ST6GALNAC3: variants seen among roughly 807,000 people sequenced by gnomAD.
The protein encoded by ST6GALNAC3 is alpha-N-acetylgalactosaminide alpha-2,6-sialyltransferase 3.
In ST6GALNAC3, 25 loss-of-function variants were observed where a neutral mutation model predicts 32.7. The ratio of observed to expected loss-of-function variants is 0.76; its 90% CI spans 0.56 to 1.07. The LOEUF (loss-of-function observed/expected upper bound fraction) is 1.07. Among genes scored for constraint, ST6GALNAC3 ranks in the 50% least tolerant of loss-of-function variants. The pLI, the probability that ST6GALNAC3 is intolerant of heterozygous loss-of-function variation, is 0.00. For missense variants in ST6GALNAC3, 355 were observed against 382.4 expected (o/e 0.93, Z 0.60); for synonymous variants, 129 against 133.1 (o/e 0.97, Z 0.21).
chr1:76,256,444 T>C (rs539699404), intron 1 of ST6GALNAC3, among the ~76,000 whole-genome samples: 1 of 152,290 alleles, frequency 6.6e-6, no homozygotes, highest in Admixed American at 6.5e-5. Flanking sequence ...GAAAGTGAGT[T>C]CCTGAACAAG....
rs554990566 is a variant in ST6GALNAC3 at position 76,629,913 on chromosome 1, C to T, written c.*1107C>T. On this transcript the variant is annotated 3_prime_UTR_variant, in exon 5 of 5. Coordinates refer to ENST00000328299, the MANE Select transcript of ST6GALNAC3 (RefSeq NM_152996.4). ...GAGGAAATGATTCCTTATATTAAAC[C>T]TGACCAGAGCTTTTTGCCTTCTAGG... The T allele has an allele frequency of 4.1e-6, 4 of 985,098 alleles. No homozygotes were observed. The South Asian group carries it at 1.9e-4, about 46-fold the overall frequency. 61.0% of individuals were successfully genotyped at this position (985,098 alleles called of 1,614,324 possible).
At chr1:76,181,700 T>G (rs1653191637) in intron 1 of ST6GALNAC3, among the ~76,000 whole-genome samples, 1 of 152,234 alleles carries the variant, frequency 6.6e-6, no homozygotes, top group Non-Finnish European at 1.5e-5. Context: ...GCAAGTAGTT[T>G]GCTTATTAAC....
chr1:76,295,950 A>G (rs1660379675), intron 1 of ST6GALNAC3, among the ~76,000 whole-genome samples: 1 of 152,040 alleles, frequency 6.6e-6, no homozygotes, highest in South Asian at 2.1e-4. Context: ...AAACAGATGG[A>G]GGGTCGGAGT....
Position 76,248,759 on chromosome 1 carries a change from C to T in ST6GALNAC3, c.19-65046C>T, listed in dbSNP as rs549048690. Among the ~76,000 whole-genome samples, 53 of 151,990 alleles carry T rather than the reference C, an allele frequency of 3.5e-4. 1 individual carries two copies. Among genetic ancestry groups the T allele is most frequent in the African/African-American group, 1.3e-3 (53 of 41,460 alleles). On this transcript the variant is annotated intron_variant, in intron 1 of 4. Coordinates refer to ENST00000328299, the MANE Select transcript of ST6GALNAC3 (RefSeq NM_152996.4). ...CTCTTCTACCCTTTTCCTTCTTTCC[C>T]TTTTTCTTTCTCTCCCATTTCCTCC...
At chr1:76,516,854 A>G (rs1239851363) in intron 3 of ST6GALNAC3, among the ~76,000 whole-genome samples, 2 of 151,964 alleles carry the variant, frequency 1.3e-5, no homozygotes, top group Non-Finnish European at 2.9e-5. Context: ...TGAATATTAA[A>G]CCTTTGTATA....
At chr1:76,107,450 T>C (rs1174060634) in intron 1 of ST6GALNAC3, among the ~76,000 whole-genome samples, 3 of 152,198 alleles carry the variant, frequency 2.0e-5, no homozygotes, top group Non-Finnish European at 4.4e-5. Context: ...CAAACCCAGA[T>C]TGGTCTGATT....
Position 76,446,514 on chromosome 1 carries a change from G to A in ST6GALNAC3, c.623+34097G>A, listed in dbSNP as rs570033655. ...GCCCTCCCTCCTACTAACCTCTGGC[G>A]ACCACGGATCTTGTTACTATCTCCT... On this transcript the variant is annotated intron_variant, in intron 3 of 4. Transcript: ENST00000328299. Among the ~76,000 whole-genome samples the A allele has an allele frequency of 4.6e-5, 7 of 152,106 alleles. No individual in the cohort carries two copies. In the South Asian group the frequency reaches 8.3e-4, roughly 18 times the overall value.
At chr1:76,264,741 A>T (rs1033371170) in intron 1 of ST6GALNAC3, among the ~76,000 whole-genome samples, 2 of 152,112 alleles carry the variant, frequency 1.3e-5, no homozygotes. Context: ...TTTCATACTT[A>T]TTGAATTAAT....
chr1:76,309,955 T>C (rs747928212), intron 1 of ST6GALNAC3: 4 of 490,618 alleles, frequency 8.2e-6, no homozygotes, highest in Admixed American at 4.3e-5. Context: ...TCAAAATGGT[T>C]GACTTATTTT....
intron 2 of ST6GALNAC3, among the ~76,000 whole-genome samples, chr1:76,345,834 G>A (rs1253648266): frequency 2.0e-5 from 3 of 151,956 alleles, no homozygotes; most frequent in Non-Finnish European, 4.4e-5. Flanking sequence ...CACACACACT[G>A]GTCTCCTTGC....
chr1:76,571,019 C>T (rs1048919313), intron 3 of ST6GALNAC3, among the ~76,000 whole-genome samples: 7 of 152,122 alleles, frequency 4.6e-5, no homozygotes, highest in East Asian at 1.9e-4. Flanking sequence ...TTTCCTCTCT[C>T]GAAATTGCTC....
intron 3 of ST6GALNAC3, among the ~76,000 whole-genome samples, chr1:76,556,539 A>G (rs576782200): frequency 8.6e-5 from 13 of 151,482 alleles, no homozygotes; most frequent in African/African-American, 3.1e-4. Flanking sequence ...ATCTTAGCCA[A>G]CTCTTGTTAT....
intron 1 of ST6GALNAC3, among the ~76,000 whole-genome samples, chr1:76,281,757 A>T (rs531665490): frequency 6.6e-6 from 1 of 152,188 alleles, no homozygotes; most frequent in East Asian, 1.9e-4. Flanking sequence ...CTACTCGATT[A>T]TGCTGCCTAT....
chr1:76,536,044 G>T (rs1181671586), intron 3 of ST6GALNAC3, among the ~76,000 whole-genome samples: 1 of 152,040 alleles, frequency 6.6e-6, no homozygotes, highest in Non-Finnish European at 1.5e-5. Flanking sequence ...GAATTTATCT[G>T]CTATCTAAAT....
chr1:76,590,663 C>A (rs183857386), intron 3 of ST6GALNAC3, among the ~76,000 whole-genome samples: 18 of 152,306 alleles, frequency 1.2e-4, no homozygotes, highest in Admixed American at 1.1e-3. Flanking sequence ...AATAATAAAG[C>A]TGAACTCATT....
intron 1 of ST6GALNAC3, among the ~76,000 whole-genome samples, chr1:76,144,691 TAA>T (rs1650564300): frequency 5.9e-5 from 9 of 152,364 alleles, no homozygotes; most frequent in African/African-American, 2.2e-4. Context: ...CCGCTTCCCC[TAA>T]TGATTCTGTG....
intron 2 of ST6GALNAC3, among the ~76,000 whole-genome samples, chr1:76,322,948 CTCCT>C (rs1427104334): frequency 6.6e-6 from 1 of 152,182 alleles, no homozygotes; most frequent in Non-Finnish European, 1.5e-5. Context: ...TCAAGCGATT[CTCCT>C]GCCTCAGCCT....
intron 3 of ST6GALNAC3, among the ~76,000 whole-genome samples, chr1:76,427,172 A>G (rs1161899435): frequency 6.6e-6 from 1 of 152,012 alleles, no homozygotes; most frequent in Non-Finnish European, 1.5e-5. Context: ...GAAACCTAAG[A>G]CCAGGGCAAA....
chr1:76,122,645 A>G (rs1360514016), intron 1 of ST6GALNAC3, among the ~76,000 whole-genome samples: 3 of 152,220 alleles, frequency 2.0e-5, no homozygotes, highest in East Asian at 3.9e-4. Flanking sequence ...TGCATATCCC[A>G]GAATTGCTCC....
Sources: gnomAD v4.1 joint callset for allele counts (sites outside exome capture counted in the v4.1 genomes callset) on GRCh38, gnomAD v4.1.1 for gene constraint, MANE v1.5 for transcripts, NCBI Gene and HGNC (gene_info 2026-07-23, HGNC 2026-07-21) for gene names.